The following COLGALT2 variants were observed in gnomAD, a reference collection of about 807,000 sequenced individuals.
COLGALT2 encodes procollagen galactosyltransferase 2.
A neutral mutation model predicts 73.4 loss-of-function variants in COLGALT2; 49 were observed. That is an observed-to-expected ratio of 0.67 (90% CI 0.53 to 0.85). COLGALT2 has a LOEUF of 0.85. COLGALT2 is among the 40% of genes least tolerant of loss of function. COLGALT2 has a pLI of 0.00. For synonymous variants in COLGALT2, 295 were observed against 307.6 expected (o/e 0.96, Z 0.43); for missense variants, 722 against 790.2 (o/e 0.91, Z 1.03).
At chr1:183,961,891 C>A (rs1670711435) in intron 6 of COLGALT2, among the ~76,000 whole-genome samples, 1 of 152,102 alleles carries the variant, frequency 6.6e-6, no homozygotes, top group African/African-American at 2.4e-5. Flanking sequence ...AAAGGAGATT[C>A]CTGAGGGCTG....
intron 1 of COLGALT2, among the ~76,000 whole-genome samples, chr1:184,005,636 C>A (rs182805945): frequency 8.5e-5 from 13 of 152,252 alleles, no homozygotes; most frequent in Admixed American, 8.5e-4. Flanking sequence ...CTGCACAGCC[C>A]ATCCACACTC....
chr1:183,938,038 T>G lies in COLGALT2; in HGVS notation c.*723A>C, dbSNP rs1469068978. 1.0e-6 allele frequency: 1 copy of G among 985,328 alleles called. No individual in the cohort carries two copies. Among genetic ancestry groups the G allele is most frequent in the African/African-American group, 1.7e-5 (1 of 57,222 alleles). The allele number at this position is 985,328 out of a possible 1,614,324, so 61.0% of individuals were successfully genotyped here. A position where few individuals can be genotyped will look rare whatever the true frequency, so the allele number is the denominator to read the frequency against. On this transcript the variant is annotated 3_prime_UTR_variant, in exon 12 of 12. Coordinates refer to ENST00000361927, the MANE Select transcript of COLGALT2 (RefSeq NM_015101.4). ...AATAAAAAAGCCAAACATTGAGTTT[T>G]TTCCCTCAAATACCTACACAAACTG...
Position 183,936,744 on chromosome 1 carries a change from G to C in COLGALT2, c.*2017C>G, listed in dbSNP as rs1669964781. On this transcript the variant is annotated 3_prime_UTR_variant, in exon 12 of 12. Coordinates refer to ENST00000361927, the MANE Select transcript of COLGALT2 (RefSeq NM_015101.4). ...CCCCAGATGCTCTTTCTGTTTTTCT[G>C]GGGGTGGGTGGGAAAGGAAGTCACA... The C allele has an allele frequency of 8.1e-7, 1 of 1,230,594 alleles. No individual in the cohort carries two copies. The allele number at this position is 1,230,594 out of a possible 1,614,324, so 76.2% of individuals were successfully genotyped here.
At chr1:183,989,926 C>T (rs1447148939) in intron 1 of COLGALT2, among the ~76,000 whole-genome samples, 3 of 152,082 alleles carry the variant, frequency 2.0e-5, no homozygotes, top group Non-Finnish European at 4.4e-5. Context: ...GCTGGCCTTC[C>T]CCTGGCTGTC....
chr1:184,004,673 T>C (rs1202779254), intron 1 of COLGALT2, among the ~76,000 whole-genome samples: 1 of 152,190 alleles, frequency 6.6e-6, no homozygotes, highest in East Asian at 1.9e-4. Context: ...TGGCCCTTGG[T>C]AGACACCATA....
At chr1:183,990,121 C>T (rs1331536462) in intron 1 of COLGALT2, among the ~76,000 whole-genome samples, 1 of 152,216 alleles carries the variant, frequency 6.6e-6, no homozygotes, top group East Asian at 1.9e-4. Context: ...ATCTCAACAT[C>T]AGTTCTTCTC....
intron 8 of COLGALT2, among the ~76,000 whole-genome samples, chr1:183,948,288 C>T (rs1670301717): frequency 6.6e-6 from 1 of 152,012 alleles, no homozygotes; most frequent in Non-Finnish European, 1.5e-5. Context: ...AAACTGCAGA[C>T]CAATATCACT....
At chr1:184,012,860 C>T (rs1230493799) in intron 1 of COLGALT2, among the ~76,000 whole-genome samples, 2 of 152,208 alleles carry the variant, frequency 1.3e-5, no homozygotes, top group African/African-American at 2.4e-5. Flanking sequence ...AAATCTATTA[C>T]AATAACTTGT....
At chr1:184,001,310 T>C (rs570575913) in intron 1 of COLGALT2, among the ~76,000 whole-genome samples, 15 of 152,298 alleles carry the variant, frequency 9.8e-5, no homozygotes, top group African/African-American at 3.6e-4. Flanking sequence ...CATCAAGTTG[T>C]GGCTTTCTTT....
At chr1:184,016,899 A>C (rs1649019573) in intron 1 of COLGALT2, among the ~76,000 whole-genome samples, 1 of 152,236 alleles carries the variant, frequency 6.6e-6, no homozygotes, top group South Asian at 2.1e-4. Context: ...GCAAATATCT[A>C]TATCTTTTTG....
chr1:183,930,568 TC>T (rs377744188), intron 11 of COLGALT2, among the ~76,000 whole-genome samples: 3 of 77,696 alleles, frequency 3.9e-5, no homozygotes, highest in African/African-American at 1.3e-4. Flanking sequence ...TTTTTCTTTT[TC>T]TTTTTTTTTT....
At chr1:184,009,721 A>C (rs2102846013) in intron 1 of COLGALT2, among the ~76,000 whole-genome samples, 1 of 152,358 alleles carries the variant, frequency 6.6e-6, no homozygotes, top group South Asian at 2.1e-4. Context: ...ATGGTCCAAG[A>C]AGTTAATGGA....
intron 7 of COLGALT2, among the ~76,000 whole-genome samples, chr1:183,951,464 C>A (rs995181136): frequency 2.6e-5 from 4 of 151,918 alleles, no homozygotes; most frequent in Admixed American, 2.0e-4. Context: ...AAGATGCCAC[C>A]AAAAAACCAT....
intron 6 of COLGALT2, 40 bp downstream of exon 6, chr1:183,963,861 A>C (rs1456942957): frequency 6.6e-7 from 1 of 1,516,390 alleles, no homozygotes; most frequent in Admixed American, 1.9e-5. Flanking sequence ...CACTGTGGCA[A>C]TGGAACGAGA....
chr1:183,934,232 C>T (rs1024049863), downstream of COLGALT2, among the ~76,000 whole-genome samples: 10 of 152,194 alleles, frequency 6.6e-5, no homozygotes, highest in African/African-American at 2.4e-4. Context: ...AGAGGGAGCA[C>T]CATTTTTCAC....
At chr1:183,957,778 GTTTTTTT>G (rs367921171) in intron 6 of COLGALT2, among the ~76,000 whole-genome samples, 1 of 118,920 alleles carries the variant, frequency 8.4e-6, no homozygotes, top group African/African-American at 3.2e-5. Flanking sequence ...TTTTGTGGTG[GTTTTTTT>G]TTTTTTTTTT....
At chr1:183,961,901 G>T (rs1376279477) in intron 6 of COLGALT2, among the ~76,000 whole-genome samples, 3 of 152,220 alleles carry the variant, frequency 2.0e-5, no homozygotes, top group Admixed American at 6.5e-5. Context: ...CCTGAGGGCT[G>T]GTTCAAGAAA....
intron 1 of COLGALT2, among the ~76,000 whole-genome samples, chr1:184,015,438 G>A (rs768381908): frequency 1.2e-4 from 18 of 152,164 alleles, no homozygotes; most frequent in Non-Finnish European, 2.1e-4. Context: ...CTTTTGTGAT[G>A]CTGGGCTTCC....
chr1:184,015,329 C>T (rs567946082), intron 1 of COLGALT2, among the ~76,000 whole-genome samples: 2 of 152,310 alleles, frequency 1.3e-5, no homozygotes, highest in East Asian at 3.9e-4. Flanking sequence ...GCTTTTAGGT[C>T]TGGCTACCAT....
Sources: allele counts gnomAD v4.1 joint callset (sites outside exome capture counted in the v4.1 genomes callset), GRCh38; gene constraint gnomAD v4.1.1; transcripts MANE v1.5; gene names NCBI Gene and HGNC (gene_info 2026-07-23, HGNC 2026-07-21).